The following BICD1 variants were observed in gnomAD, a reference collection of about 807,000 sequenced individuals.
The protein encoded by BICD1 is BICD cargo adaptor 1, also known as protein bicaudal D homolog 1.
In BICD1, 35 loss-of-function variants were observed where a neutral mutation model predicts 92.5. The observed-to-expected ratio is 0.38, with a 90% CI of 0.29 to 0.50. BICD1 has a LOEUF of 0.50. BICD1 is among the 20% of genes least tolerant of loss of function. BICD1 has a pLI of 0.93. For synonymous variants in BICD1, 429 were observed against 465.1 expected (o/e 0.92, Z 1.00); for missense variants, 950 against 1,189.8 (o/e 0.80, Z 2.97).
intron 2 of BICD1, among the ~76,000 whole-genome samples, chr12:32,291,540 AT>A (rs1280359588): frequency 6.0e-4 from 89 of 148,622 alleles, no homozygotes; most frequent in Middle Eastern, 7.1e-3. Context: ...AAAAAAAAAA[AT>A]ATATATTAAA....
intron 4 of BICD1, among the ~76,000 whole-genome samples, chr12:32,318,661 C>T (rs908134179): frequency 1.3e-5 from 2 of 152,124 alleles, no homozygotes; most frequent in Non-Finnish European, 2.9e-5. Context: ...TTGAGACCAG[C>T]CTGACCAACA....
intron 2 of BICD1, among the ~76,000 whole-genome samples, chr12:32,219,911 C>A (rs1228564140): frequency 6.6e-6 from 1 of 152,134 alleles, no homozygotes; most frequent in Non-Finnish European, 1.5e-5. Context: ...ATCAATGGAA[C>A]AGAACAGAGC....
intron 2 of BICD1, among the ~76,000 whole-genome samples, chr12:32,283,128 G>A (rs577658919): frequency 1.6e-3 from 210 of 127,852 alleles, no homozygotes; most frequent in Middle Eastern, 7.9e-3. Flanking sequence ...TTCAGGGAGG[G>A]AAGATGGACT....
chr12:32,245,496 C>CA (rs1360174057), intron 2 of BICD1, among the ~76,000 whole-genome samples: 7 of 152,092 alleles, frequency 4.6e-5, no homozygotes, highest in Non-Finnish European at 1.0e-4. Context: ...GAATGTAATC[C>CA]AAATCATCAG....
chr12:32,205,260 G>A (rs910658121), intron 1 of BICD1, among the ~76,000 whole-genome samples: 14 of 152,108 alleles, frequency 9.2e-5, no homozygotes, highest in Non-Finnish European at 1.8e-4. Flanking sequence ...ACTTAGTAGT[G>A]TCCCTTCAAC....
At chr12:32,215,429 C>CT (rs556850943) in intron 1 of BICD1, among the ~76,000 whole-genome samples, 28 of 152,172 alleles carry the variant, frequency 1.8e-4, no homozygotes, top group African/African-American at 5.3e-4. Flanking sequence ...TATTCAGTGT[C>CT]TTTTTTTGTG....
At chr12:32,196,237 G>A (rs1462816944) in intron 1 of BICD1, among the ~76,000 whole-genome samples, 2 of 152,020 alleles carry the variant, frequency 1.3e-5, no homozygotes, top group African/African-American at 2.4e-5. Context: ...CAGTATGGAC[G>A]TTCTTCCAAA....
At chr12:32,217,591 G>GTCA (rs1266573520) in intron 2 of BICD1, among the ~76,000 whole-genome samples, 1 of 152,158 alleles carries the variant, frequency 6.6e-6, no homozygotes, top group Non-Finnish European at 1.5e-5. Context: ...GACTTGTGAA[G>GTCA]ACAGAGAAAG....
chr12:32,268,364 G>A (rs920147636), intron 2 of BICD1, among the ~76,000 whole-genome samples: 2 of 151,994 alleles, frequency 1.3e-5, no homozygotes, highest in East Asian at 1.9e-4. Flanking sequence ...AACTTCTCTC[G>A]GAGAAAACAA....
Position 32,255,459 on chromosome 12 carries a change from C to T in BICD1, c.427-38535C>T, listed in dbSNP as rs114063171. Among the ~76,000 whole-genome samples the T allele has an allele frequency of 5.2e-3, 788 of 152,296 alleles. 5 individuals carry two copies. The highest frequency in any genetic ancestry group is 0.018 in the African/African-American group (741 of 41,570). On this transcript the variant is annotated intron_variant, in intron 2 of 9. Coordinates refer to ENST00000652176, the MANE Select transcript of BICD1 (RefSeq NM_001714.4). ...ATCTTACCTCTTAAGGTAGTAGAGG[C>T]ATACTGCTAATGTGAACCTTTAAAA...
At chr12:32,117,906 A>G (rs1307649920) in intron 1 of BICD1, among the ~76,000 whole-genome samples, 5 of 150,298 alleles carry the variant, frequency 3.3e-5, no homozygotes, top group Non-Finnish European at 7.4e-5. Context: ...ATGCACCACC[A>G]TGCCCAGCTA....
chr12:32,273,673 A>G (rs1239549332), intron 2 of BICD1, among the ~76,000 whole-genome samples: 4 of 152,372 alleles, frequency 2.6e-5, no homozygotes, highest in Non-Finnish European at 5.9e-5. Context: ...AACATAGTAG[A>G]AATCACTAGC....
rs979333123 is a variant in BICD1 at position 32,149,891 on chromosome 12, C to T, written c.213+42347C>T. Among the ~76,000 whole-genome samples, 5 of 152,254 alleles carry T rather than the reference C, an allele frequency of 3.3e-5. No homozygotes were observed. The East Asian group carries it at 5.8e-4, about 18-fold the overall frequency. The stretch of plus-strand genomic sequence containing the variant: ...GCAGAGCACCTACTTGTAATACTAT[C>T]GTATTCGTTCGTTCTCATGCTGCTA... On this transcript the variant is annotated intron_variant, in intron 1 of 9. Coordinates refer to ENST00000652176, the MANE Select transcript of BICD1 (RefSeq NM_001714.4).
rs1940149492 is a variant in BICD1 at position 32,380,770 on chromosome 12, A to G, written c.*3143A>G. The G allele has an allele frequency of 6.6e-6, 1 of 152,170 alleles. No individual in the cohort carries two copies. The highest frequency in any genetic ancestry group is 2.4e-5 in the African/African-American group (1 of 41,462). 9.4% of individuals were successfully genotyped at this position (152,170 alleles called of 1,614,324 possible). A position where few individuals can be genotyped will look rare whatever the true frequency, so the allele number is the denominator to read the frequency against. ...AAAACTGTTAAATAAGAAAAGACCT[A>G]TTTAGAAATTATACTTTAGTCTAAC... On this transcript the variant is annotated 3_prime_UTR_variant, in exon 10 of 10. Coordinates refer to ENST00000652176, the MANE Select transcript of BICD1 (RefSeq NM_001714.4).
intron 1 of BICD1, among the ~76,000 whole-genome samples, chr12:32,192,264 T>C (rs1944593283): frequency 6.6e-6 from 1 of 151,790 alleles, no homozygotes; most frequent in Admixed American, 6.6e-5. Context: ...ACCCCATCTC[T>C]ACTAAAAATA....
At chr12:32,361,552 CAA>C (rs369280649) in intron 8 of BICD1, among the ~76,000 whole-genome samples, 21 of 75,398 alleles carry the variant, frequency 2.8e-4, no homozygotes, top group Admixed American at 4.6e-4. Flanking sequence ...GACTCCATCT[CAA>C]AAAAAAAAAA....
intron 2 of BICD1, among the ~76,000 whole-genome samples, chr12:32,292,402 G>C (rs535482072): frequency 1.3e-5 from 2 of 152,154 alleles, no homozygotes; most frequent in African/African-American, 4.8e-5. Context: ...ATCGGATTGG[G>C]CCTCCTCTAA....
At chr12:32,364,860 A>G (rs1445715837) in intron 8 of BICD1, among the ~76,000 whole-genome samples, 1 of 152,164 alleles carries the variant, frequency 6.6e-6, no homozygotes, top group Non-Finnish European at 1.5e-5. Flanking sequence ...CTGAGGCAGG[A>G]GGATCACTTG....
intron 3 of BICD1, among the ~76,000 whole-genome samples, chr12:32,305,424 G>T (rs1047289836): frequency 6.6e-6 from 1 of 151,414 alleles, no homozygotes; most frequent in Non-Finnish European, 1.5e-5. Context: ...GAATTATATA[G>T]AGAGTTATAT....
Sources: allele counts gnomAD v4.1 joint callset (sites outside exome capture counted in the v4.1 genomes callset), GRCh38; gene constraint gnomAD v4.1.1; transcripts MANE v1.5; gene names NCBI Gene and HGNC (gene_info 2026-07-23, HGNC 2026-07-21).